NDUFAF6: variants seen among roughly 807,000 people sequenced by gnomAD.
NDUFAF6 encodes NADH dehydrogenase (ubiquinone) complex I, assembly factor 6.
In NDUFAF6, 45 loss-of-function variants were observed where a neutral mutation model predicts 40.8. The observed-to-expected ratio is 1.10, with a 90% CI of 0.87 to 1.42. NDUFAF6 has a LOEUF of 1.42. NDUFAF6 is among the 40% of genes most tolerant of loss of function. The probability of loss-of-function intolerance (pLI) is 0.00; values close to 1 mark genes in which losing one functional copy is unlikely to be tolerated. For synonymous variants in NDUFAF6, 185 were observed against 155.9 expected, an observed-to-expected ratio of 1.19 and a Z score of -1.39; for missense variants, 435 against 418.5, an observed-to-expected ratio of 1.04 and a Z score of -0.34.
chr8:94,948,941 C>T (rs1037382992), intron 2 of NDUFAF6, among the ~76,000 whole-genome samples: 1 of 151,094 alleles, frequency 6.6e-6, no homozygotes, highest in African/African-American at 2.4e-5. Flanking sequence ...CCCTGGGCCC[C>T]GGGGGCCGCC....
Position 95,084,137 on chromosome 8 carries a change from A to G in NDUFAF6, n.213+8385A>G, listed in dbSNP as rs573242933. 7.9e-5 allele frequency among the ~76,000 whole-genome samples: 12 copies of G among 152,274 alleles called. 1 individual carries two copies. The South Asian group carries it at 2.1e-3, about 26-fold the overall frequency. On this transcript the variant is annotated intron_variant and non_coding_transcript_variant, in intron 2 of 5. Transcript: ENST00000523184. ...TTTCATTATTTATTTATCTAAGAAC[A>G]TTAGTAAACCCAAGTTTTGTTGCTT...
intron 1 of NDUFAF6, among the ~76,000 whole-genome samples, chr8:94,978,278 A>G (rs533303567): frequency 1.3e-3 from 201 of 152,328 alleles, no homozygotes; most frequent in Admixed American, 2.9e-3. Flanking sequence ...TACAAGGCTC[A>G]TAGAGCTTCT....
At chr8:94,942,474 A>G (rs769737612) in intron 1 of NDUFAF6, among the ~76,000 whole-genome samples, 1 of 152,142 alleles carries the variant, frequency 6.6e-6, no homozygotes, top group African/African-American at 2.4e-5. Context: ...TGTCTCTGAG[A>G]CTTTGCCAAA....
At chr8:94,902,448 G>T (rs144607188) in intron 1 of NDUFAF6, among the ~76,000 whole-genome samples, 1 of 151,530 alleles carries the variant, frequency 6.6e-6, no homozygotes, top group East Asian at 1.9e-4. Flanking sequence ...TAAATCTCAG[G>T]TATATAATCT....
chr8:94,939,340 A>G (rs1821293227), intron 1 of NDUFAF6, among the ~76,000 whole-genome samples: 2 of 152,218 alleles, frequency 1.3e-5, no homozygotes, highest in South Asian at 2.1e-4. Flanking sequence ...GTAAATGAGA[A>G]TGCTATTATA....
intron 2 of NDUFAF6, among the ~76,000 whole-genome samples, chr8:95,018,817 T>A (rs1827573939): frequency 6.6e-6 from 1 of 152,122 alleles, no homozygotes; most frequent in African/African-American, 2.4e-5. Context: ...TCCTAACCAC[T>A]TCCCCCTACA....
chr8:95,009,837 G>T (rs370952483), intron 2 of NDUFAF6, among the ~76,000 whole-genome samples: 1 of 152,144 alleles, frequency 6.6e-6, no homozygotes, highest in Non-Finnish European at 1.5e-5. Context: ...CAGAATACTC[G>T]TTTGAATGTC....
chr8:95,029,118 T>C (rs745742257), intron 1 of NDUFAF6, among the ~76,000 whole-genome samples: 3 of 152,126 alleles, frequency 2.0e-5, no homozygotes, highest in Non-Finnish European at 4.4e-5. Flanking sequence ...AGTTGAAAAG[T>C]GGGAGAAATC....
At chr8:95,083,154 T>C (rs2132054264) in intron 2 of NDUFAF6, among the ~76,000 whole-genome samples, 1 of 152,360 alleles carries the variant, frequency 6.6e-6, no homozygotes, top group East Asian at 1.9e-4. Flanking sequence ...TAAATGGAAT[T>C]AATTTTGGTA....
chr8:95,056,750 C>A (rs1232994634), intron 8 of NDUFAF6, among the ~76,000 whole-genome samples: 1 of 151,608 alleles, frequency 6.6e-6, no homozygotes, highest in African/African-American at 2.4e-5. Context: ...ACTAAAAACA[C>A]AAAAAATTAG....
Position 95,057,969 on chromosome 8 carries a change from T to C in NDUFAF6, c.*32T>C. ...TTCATGGCATTGATGTTAATTCTAG[T>C]CTATTAGTTTTATAAAAGTTAGGAT... On this transcript the variant is annotated 3_prime_UTR_variant, in exon 9 of 9. Coordinates refer to ENST00000396124, the MANE Select transcript of NDUFAF6 (RefSeq NM_152416.4). 2 of 1,503,122 alleles carry C rather than the reference T, an allele frequency of 1.3e-6. No homozygotes were observed. The highest frequency in any genetic ancestry group is 1.8e-4 in the Middle Eastern group (1 of 5,696). 93.1% of individuals were successfully genotyped at this position (1,503,122 alleles called of 1,614,324 possible). A position where few individuals can be genotyped will look rare whatever the true frequency, so the allele number is the denominator to read the frequency against.
At chr8:95,108,504 T>C (rs1587284759) in intron 4 of NDUFAF6, among the ~76,000 whole-genome samples, 1 of 152,072 alleles carries the variant, frequency 6.6e-6, no homozygotes, top group East Asian at 1.9e-4. Context: ...TGAAGAATAG[T>C]CAAATACCTA....
intron 2 of NDUFAF6, among the ~76,000 whole-genome samples, chr8:94,992,257 G>T (rs1315777365): frequency 2.0e-5 from 3 of 152,178 alleles, no homozygotes; most frequent in Non-Finnish European, 4.4e-5. Context: ...GGAGGCCAAG[G>T]GGGGCAGATC....
At chr8:94,999,919 G>A (rs1826639207) in intron 2 of NDUFAF6, among the ~76,000 whole-genome samples, 1 of 152,166 alleles carries the variant, frequency 6.6e-6, no homozygotes, top group Non-Finnish European at 1.5e-5. Context: ...GAATCAAAAA[G>A]CTTATTTGGG....
chr8:95,099,637 C>T (rs1038733526), upstream of NDUFAF6, among the ~76,000 whole-genome samples: 10 of 152,064 alleles, frequency 6.6e-5, no homozygotes, highest in African/African-American at 1.4e-4. Context: ...CCTAGTGTTT[C>T]GCCTGCCCCT....
At chr8:95,040,546 C>G (rs1382779238) in intron 3 of NDUFAF6, among the ~76,000 whole-genome samples, 1 of 152,234 alleles carries the variant, frequency 6.6e-6, no homozygotes, top group Admixed American at 6.5e-5. Flanking sequence ...TTCTCAACTT[C>G]AGTACTTGGT....
At chr8:94,997,122 C>T (rs544309620) in intron 2 of NDUFAF6, among the ~76,000 whole-genome samples, 1 of 152,148 alleles carries the variant, frequency 6.6e-6, no homozygotes, top group East Asian at 1.9e-4. Flanking sequence ...CAGGGCCCTC[C>T]TGTTTGGAGT....
chr8:94,923,880 G>A (rs1489059308), intron 1 of NDUFAF6, among the ~76,000 whole-genome samples: 2 of 149,382 alleles, frequency 1.3e-5, no homozygotes, highest in African/African-American at 4.9e-5. Flanking sequence ...AGTATAGGCC[G>A]GGTTTCACCA....
At chr8:95,091,195 T>G (rs963752231) in intron 2 of NDUFAF6, among the ~76,000 whole-genome samples, 9 of 152,142 alleles carry the variant, frequency 5.9e-5, no homozygotes, top group Middle Eastern at 3.4e-3. Context: ...ACTGGGTAAT[T>G]TATAAAGGAA....
Sources: allele counts gnomAD v4.1 joint callset (sites outside exome capture counted in the v4.1 genomes callset), GRCh38; gene constraint gnomAD v4.1.1; transcripts MANE v1.5; gene names NCBI Gene and HGNC (gene_info 2026-07-23, HGNC 2026-07-21).